AFF1: variants seen among roughly 807,000 people sequenced by gnomAD.
AFF1 encodes AF4/FMR2 family member 1.
Under a neutral mutation model 121.7 loss-of-function variants are expected in AFF1, and 48 were observed. The ratio of observed to expected loss-of-function variants is 0.39; its 90% confidence interval spans 0.31 to 0.50. The LOEUF is 0.50. Among genes scored for constraint, AFF1 ranks in the 20% least tolerant of loss-of-function variants. The pLI is 0.76. For synonymous variants in AFF1, 613 were observed against 563.0 expected, an observed-to-expected ratio of 1.09 and a Z score of -1.26; for missense variants, 1,523 against 1,511.7, an observed-to-expected ratio of 1.01 and a Z score of -0.12.
At chr4:86,953,295 A>G (rs1185088666) in intron 2 of AFF1, among the ~76,000 whole-genome samples, 1 of 152,184 alleles carries the variant, frequency 6.6e-6, no homozygotes, top group Non-Finnish European at 1.5e-5. Context: ...TAAATGTTTA[A>G]TCATGATAGG....
intron 2 of AFF1, chr4:87,007,100 T>G: frequency 8.0e-7 from 1 of 1,253,684 alleles, no homozygotes; most frequent in Non-Finnish European, 1.0e-6. Flanking sequence ...TCTCAGAAAC[T>G]GCGCCGGGGG....
chr4:87,017,793 C>T (rs192322966), intron 2 of AFF1, among the ~76,000 whole-genome samples: 24 of 152,242 alleles, frequency 1.6e-4, no homozygotes, highest in Admixed American at 4.6e-4. Flanking sequence ...ACTATGTGCC[C>T]TCCCTTGATG....
intron 2 of AFF1, among the ~76,000 whole-genome samples, chr4:86,964,219 G>A (rs1299886504): frequency 6.6e-6 from 1 of 151,098 alleles, no homozygotes; most frequent in Non-Finnish European, 1.5e-5. Flanking sequence ...TGCCTCCCAG[G>A]TTCAAGCCAT....
At chr4:87,126,443 T>A in intron 14 of AFF1, 107 bp downstream of exon 14, 1 of 1,032,036 alleles carries the variant, frequency 9.7e-7, no homozygotes. Context: ...TGTCCATTGC[T>A]TTTAATGAGG....
intron 5 of AFF1, among the ~76,000 whole-genome samples, chr4:87,085,788 G>C (rs986291260): frequency 1.4e-5 from 2 of 146,688 alleles, no homozygotes; most frequent in Non-Finnish European, 3.0e-5. Context: ...TCTCTCTGTC[G>C]CTCAGGCTGG....
intron 12 of AFF1, among the ~76,000 whole-genome samples, chr4:87,119,844 C>T (rs1578293988): frequency 6.6e-6 from 1 of 152,148 alleles, no homozygotes; most frequent in African/African-American, 2.4e-5. Context: ...ATCATTTATG[C>T]GTTTTGAAGA....
chr4:87,128,277 T>C (rs1461850509), intron 16 of AFF1, among the ~76,000 whole-genome samples: 1 of 152,246 alleles, frequency 6.6e-6, no homozygotes, highest in African/African-American at 2.4e-5. Flanking sequence ...TTGGTAAACA[T>C]GCTTTAAAAA....
At chr4:87,019,892 G>GGGT (rs1553918056) in intron 2 of AFF1, among the ~76,000 whole-genome samples, 1 of 142,060 alleles carries the variant, frequency 7.0e-6, no homozygotes, top group African/African-American at 2.5e-5. Flanking sequence ...GTCGGGGGGG[G>GGGT]GCAGTCTTGG....
intron 6 of AFF1, among the ~76,000 whole-genome samples, chr4:87,090,293 A>G (rs1007163245): frequency 5.3e-5 from 8 of 152,264 alleles, no homozygotes; most frequent in Admixed American, 3.9e-4. Flanking sequence ...TATAAAAAGC[A>G]TTCAGGATTT....
At chr4:87,097,402 A>T (rs1383983962) in intron 8 of AFF1, among the ~76,000 whole-genome samples, 2 of 152,196 alleles carry the variant, frequency 1.3e-5, no homozygotes, top group African/African-American at 2.4e-5. Flanking sequence ...CAGCTTTCAG[A>T]CTTTCAGAGA....
chr4:87,140,656 C>CGT lies in AFF1; in HGVS notation c.*4955_*4956insGT, dbSNP rs1444300078. 5.3e-6 allele frequency: 1 copy of CGT among 189,336 alleles called. No individual in the cohort carries two copies. The highest frequency in any genetic ancestry group is 2.3e-5 in the African/African-American group (1 of 42,800). The allele number at this position is 189,336 out of a possible 1,614,324, so 11.7% of individuals were successfully genotyped here. ...TGTGGAATAACGTGCCAGCTATCAT[C>CGT]AACACAATGATTTTGTACATAGGGT... On this transcript the variant is annotated 3_prime_UTR_variant, in exon 21 of 21. Coordinates refer to ENST00000395146, the MANE Select transcript of AFF1 (RefSeq NM_001166693.3).
intron 2 of AFF1, among the ~76,000 whole-genome samples, chr4:86,956,731 A>G (rs1300544085): frequency 2.6e-5 from 4 of 152,232 alleles, no homozygotes; most frequent in Non-Finnish European, 5.9e-5. Flanking sequence ...ATTCATCCAT[A>G]TTACAGCATG....
At chr4:87,053,783 G>GTT (rs1324537916) in intron 4 of AFF1, among the ~76,000 whole-genome samples, 1 of 152,222 alleles carries the variant, frequency 6.6e-6, no homozygotes, top group East Asian at 1.9e-4. Context: ...ACTGACATTA[G>GTT]TCAAGTAATC....
chr4:86,989,598 A>G (rs1724543669), intron 2 of AFF1, among the ~76,000 whole-genome samples: 1 of 152,230 alleles, frequency 6.6e-6, no homozygotes, highest in African/African-American at 2.4e-5. Flanking sequence ...TAGTTCAACC[A>G]TTGTGGAAGA....
At chr4:87,007,915 C>A (rs1178967376) in intron 2 of AFF1, among the ~76,000 whole-genome samples, 1 of 152,136 alleles carries the variant, frequency 6.6e-6, no homozygotes, top group Non-Finnish European at 1.5e-5. Flanking sequence ...CCACATAAAA[C>A]GGCCCCGCTT....
At position 87,114,829 on chromosome 4, in the gene AFF1, C is replaced by A; in HGVS notation, c.1996C>A (p.Pro666Thr). ...GRPRAAASNE[P>T]KPAVPPSSEK... ...GCCCCGGGCCGCAGCAAGCAACGAA[C>A]CCAAGCCAGCAGTGCCCCCCTCCAG... The change falls in exon 12 of 21, where the codon CCC (proline) becomes ACC (threonine). Residue 666 changes from proline (P) to threonine (T), a missense_variant. Around this residue, in one of 5 missense-constraint regions of AFF1, gnomAD observed 905 missense variants for 842.5 expected, o/e 1.07. Coordinates refer to ENST00000395146, the MANE Select transcript of AFF1 (RefSeq NM_001166693.3). The A allele has an allele frequency of 1.2e-6, 2 of 1,613,864 alleles. No individual in the cohort carries two copies. The highest frequency in any genetic ancestry group is 1.7e-6 in the Non-Finnish European group (2 of 1,179,908).
chr4:87,125,794 GTCT>G (rs1244038929), intron 13 of AFF1, among the ~76,000 whole-genome samples: 2 of 152,092 alleles, frequency 1.3e-5, no homozygotes, highest in Non-Finnish European at 2.9e-5. Context: ...GTGTCCACTC[GTCT>G]TCTTGTCAGG....
At chr4:87,007,099 C>T in intron 2 of AFF1, 1 of 1,252,330 alleles carries the variant, frequency 8.0e-7, no homozygotes, top group South Asian at 2.5e-5. Flanking sequence ...TTCTCAGAAA[C>T]TGCGCCGGGG....
chr4:86,944,278 A>C (rs1244476714), intron 1 of AFF1, among the ~76,000 whole-genome samples: 1 of 152,142 alleles, frequency 6.6e-6, no homozygotes, highest in Non-Finnish European at 1.5e-5. Flanking sequence ...TTGTGCTAAA[A>C]CTTTTACAAA....
Sources: allele counts gnomAD v4.1 joint callset (sites outside exome capture counted in the v4.1 genomes callset), GRCh38; gene constraint gnomAD v4.1.1; regional missense constraint gnomAD v4.1.1; transcripts MANE v1.5; gene names NCBI Gene and HGNC (gene_info 2026-07-23, HGNC 2026-07-21).